The following DTWD2 variants were observed in gnomAD, a reference collection of about 807,000 sequenced individuals.
The protein encoded by DTWD2 is DTW motif tRNA-uridine aminocarboxypropyltransferase 2, also known as tRNA-uridine aminocarboxypropyltransferase 2.
In DTWD2, 39 loss-of-function variants were observed where a neutral mutation model predicts 31.8. The observed-to-expected ratio is 1.22, with a 90% CI of 0.95 to 1.60. DTWD2 has a LOEUF of 1.60. Ranked by LOEUF, DTWD2 falls within the 40% of genes most tolerant of loss-of-function variation. The probability of loss-of-function intolerance (pLI) is 0.00; values close to 1 mark genes in which losing one functional copy is unlikely to be tolerated. For missense variants in DTWD2, 515 were observed against 381.5 expected (o/e 1.35, Z -2.92); for synonymous variants, 180 against 142.8 (o/e 1.26, Z -1.86).
intron 1 of DTWD2, chr5:118,973,879 A>T: frequency 6.2e-7 from 1 of 1,611,238 alleles, no homozygotes. Flanking sequence ...AAGAGGCAGA[A>T]AATGGAAGAG....
In DTWD2 at chr5:118,976,075, T is replaced by C. The variant is rs181834352; in HGVS notation, c.218+12219A>G. 1.4e-4 allele frequency among the ~76,000 whole-genome samples: 22 copies of C among 152,322 alleles called. 1 individual carries two copies. The highest frequency in any genetic ancestry group is 5.3e-4 in the African/African-American group (22 of 41,572). On this transcript the variant is annotated intron_variant, in intron 1 of 5. Transcript: ENST00000510708. ...ACAACTACACGGAAACTGAACAACC[T>C]GCTCCTGAATGACTACTGGGTAAAT...
chr5:118,905,783 C>A (rs1753314378), intron 4 of DTWD2, among the ~76,000 whole-genome samples: 1 of 152,064 alleles, frequency 6.6e-6, no homozygotes, highest in Non-Finnish European at 1.5e-5. Flanking sequence ...TCTTCCCACC[C>A]TTCATGCATA....
In DTWD2 at chr5:118,988,524, G is replaced by C. The variant is rs533281099; in HGVS notation, c.-13C>G. 2.6e-6 allele frequency: 4 copies of C among 1,529,958 alleles called. No individual in the cohort carries two copies. The highest frequency in any genetic ancestry group is 2.1e-5 in the Admixed American group (1 of 47,494). 94.8% of individuals were successfully genotyped at this position (1,529,958 alleles called of 1,614,324 possible). A position where few individuals can be genotyped will look rare whatever the true frequency, so the allele number is the denominator to read the frequency against. On this transcript the variant is annotated 5_prime_UTR_variant, in exon 1 of 6. Coordinates refer to ENST00000510708, the MANE Select transcript of DTWD2 (RefSeq NM_173666.4). ...TCTGCGACTCCATGGCGGACACTCC[G>C]GTCAGGCCGTGGCATTGAAGCCCGG...
chr5:118,846,740 G>A (rs981331454), intron 5 of DTWD2, among the ~76,000 whole-genome samples: 4 of 152,076 alleles, frequency 2.6e-5, no homozygotes, highest in African/African-American at 9.7e-5. Context: ...GGTATATAAA[G>A]TACTATGTTT....
At chr5:118,856,062 C>T (rs1752126606) in intron 4 of DTWD2, among the ~76,000 whole-genome samples, 1 of 152,144 alleles carries the variant, frequency 6.6e-6, no homozygotes, top group Non-Finnish European at 1.5e-5. Context: ...TCCCAGTATA[C>T]TCCAGAGAAA....
At chr5:118,857,803 G>C (rs1309576645) in intron 4 of DTWD2, among the ~76,000 whole-genome samples, 1 of 152,180 alleles carries the variant, frequency 6.6e-6, no homozygotes, top group African/African-American at 2.4e-5. Flanking sequence ...ACACAGTATT[G>C]AGTGAAGTAC....
chr5:118,846,551 T>G (rs1453256316), intron 5 of DTWD2, among the ~76,000 whole-genome samples: 1 of 152,180 alleles, frequency 6.6e-6, no homozygotes, highest in Non-Finnish European at 1.5e-5. Context: ...TGATGTTGTC[T>G]GATCCTAGAG....
At chr5:118,899,303 A>G (rs1290682519) in intron 4 of DTWD2, among the ~76,000 whole-genome samples, 2 of 152,224 alleles carry the variant, frequency 1.3e-5, no homozygotes, top group Non-Finnish European at 2.9e-5. Context: ...TTCAATGTTA[A>G]TGAATCAATG....
At chr5:118,947,836 T>A (rs972109309) in intron 1 of DTWD2, among the ~76,000 whole-genome samples, 1 of 152,122 alleles carries the variant, frequency 6.6e-6, no homozygotes, top group Non-Finnish European at 1.5e-5. Context: ...GTCCTAACTT[T>A]TATCTGTAAA....
intron 4 of DTWD2, among the ~76,000 whole-genome samples, chr5:118,885,735 C>T (rs2149557104): frequency 1.3e-5 from 2 of 150,876 alleles, no homozygotes; most frequent in African/African-American, 4.9e-5. Context: ...CATTGCACTC[C>T]AGCCTGGGCA....
At chr5:118,900,785 C>T (rs762053512) in intron 4 of DTWD2, among the ~76,000 whole-genome samples, 5 of 151,960 alleles carry the variant, frequency 3.3e-5, no homozygotes, top group Non-Finnish European at 7.4e-5. Context: ...ATTAGCCAGG[C>T]GTGGTGGCAG....
At chr5:118,848,573 T>A (rs1224911626) in intron 4 of DTWD2, among the ~76,000 whole-genome samples, 1 of 152,020 alleles carries the variant, frequency 6.6e-6, no homozygotes, top group Non-Finnish European at 1.5e-5. Flanking sequence ...GGGGTAACAT[T>A]TCACACTCAA....
At chr5:118,949,234 T>A (rs1286554251) in intron 1 of DTWD2, among the ~76,000 whole-genome samples, 1 of 152,160 alleles carries the variant, frequency 6.6e-6, no homozygotes, top group East Asian at 1.9e-4. Context: ...ACGGCTTGAC[T>A]GAAGTAATGG....
chr5:118,934,860 G>A (rs574013848), intron 3 of DTWD2, among the ~76,000 whole-genome samples: 1 of 152,210 alleles, frequency 6.6e-6, no homozygotes, highest in African/African-American at 2.4e-5. Context: ...TTAAGACAAA[G>A]AGTATTACCA....
chr5:118,965,464 C>A (rs1296178596), intron 1 of DTWD2, among the ~76,000 whole-genome samples: 1 of 128,696 alleles, frequency 7.8e-6, no homozygotes, highest in Non-Finnish European at 1.7e-5. Context: ...GATGATGATG[C>A]GGTTTTGTCG....
intron 4 of DTWD2, among the ~76,000 whole-genome samples, chr5:118,890,891 C>T (rs556944576): frequency 1.1e-4 from 17 of 151,972 alleles, no homozygotes; most frequent in African/African-American, 4.1e-4. Flanking sequence ...TTAAAATGTG[C>T]CTAGTTCATT....
chr5:118,854,997 G>T (rs1412129766), intron 4 of DTWD2, among the ~76,000 whole-genome samples: 1 of 151,560 alleles, frequency 6.6e-6, no homozygotes, highest in Admixed American at 6.6e-5. Context: ...CAACAGGCCA[G>T]TGCCCAGGTA....
chr5:118,847,883 G>A (rs879867826), intron 5 of DTWD2, among the ~76,000 whole-genome samples: 6 of 151,568 alleles, frequency 4.0e-5, no homozygotes, highest in Non-Finnish European at 7.4e-5. Context: ...AGTTTAGTAT[G>A]AATATTTAAA....
intron 1 of DTWD2, among the ~76,000 whole-genome samples, chr5:118,961,773 G>C (rs1345101614): frequency 6.6e-6 from 1 of 151,948 alleles, no homozygotes; most frequent in African/African-American, 2.4e-5. Context: ...CTTTATTGGG[G>C]GGGGCATACT....
Sources: allele counts gnomAD v4.1 joint callset (sites outside exome capture counted in the v4.1 genomes callset), GRCh38; gene constraint gnomAD v4.1.1; transcripts MANE v1.5; gene names NCBI Gene and HGNC (gene_info 2026-07-23, HGNC 2026-07-21).